Variants in SKOR2 observed in about 807,000 individuals in gnomAD.
SKOR2 encodes the protein SKI family transcriptional corepressor 2, also known as LBX1 corepressor 1-like protein.
In SKOR2, 47 loss-of-function variants were observed where a neutral mutation model predicts 69.1. That is an observed-to-expected ratio of 0.68 (90% CI 0.54 to 0.87). SKOR2 has a LOEUF of 0.87. Ranked by LOEUF, SKOR2 falls within the 40% of genes least tolerant of loss-of-function variation. The pLI, the probability that SKOR2 is intolerant of heterozygous loss-of-function variation, is 0.00. For synonymous variants in SKOR2, 717 were observed against 672.6 expected, an observed-to-expected ratio of 1.07 and a Z score of -1.02; for missense variants, 1,404 against 1,472.2, an observed-to-expected ratio of 0.95 and a Z score of 0.76.
chr18:47,212,208 G>T, intron 7 of SKOR2, 57 bp from the exon 8 acceptor site: 1 of 1,221,378 alleles, frequency 8.2e-7, no homozygotes, highest in Middle Eastern at 3.1e-4. Flanking sequence ...AGACAGATAT[G>T]TAATGGAGAC....
chr18:47,217,915 T>C (rs1240102714), intron 7 of SKOR2, among the ~76,000 whole-genome samples: 1 of 152,174 alleles, frequency 6.6e-6, no homozygotes, highest in Admixed American at 6.5e-5. Context: ...GTTTACTATC[T>C]ATAGGAATGT....
chr18:47,233,471 G>A (rs774531938), intron 4 of SKOR2, among the ~76,000 whole-genome samples: 4 of 152,226 alleles, frequency 2.6e-5, no homozygotes, highest in Non-Finnish European at 4.4e-5. Flanking sequence ...TGCATATTAT[G>A]TGCAGTCTCA....
At chr18:47,207,136 G>C (rs2064115505) in intron 8 of SKOR2, among the ~76,000 whole-genome samples, 1 of 152,014 alleles carries the variant, frequency 6.6e-6, no homozygotes, top group Non-Finnish European at 1.5e-5. Context: ...TTTGTTGTAG[G>C]GCAAAGACAA....
At chr18:47,222,510 A>G (rs2064164807) in intron 6 of SKOR2, among the ~76,000 whole-genome samples, 2 of 152,174 alleles carry the variant, frequency 1.3e-5, no homozygotes, top group Admixed American at 6.5e-5. Context: ...AGGTGGGTCT[A>G]AGGGTACAGG....
intron 8 of SKOR2, among the ~76,000 whole-genome samples, chr18:47,211,001 C>T (rs913286074): frequency 1.2e-4 from 18 of 151,936 alleles, no homozygotes; most frequent in African/African-American, 3.9e-4. Context: ...GTTTTAAGCA[C>T]CTGATGAAAT....
chr18:47,244,824 T>G, intron 4 of SKOR2, 84 bp downstream of exon 4: 2 of 1,290,154 alleles, frequency 1.6e-6, no homozygotes, highest in African/African-American at 3.0e-5. Context: ...ACCCTTGTAC[T>G]AAATATTCAG....
chr18:47,238,426 G>A (rs1028930787), intron 4 of SKOR2, among the ~76,000 whole-genome samples: 4 of 148,316 alleles, frequency 2.7e-5, no homozygotes, highest in Non-Finnish European at 4.4e-5. Flanking sequence ...GGATTCAAGC[G>A]ATTCTCCTGC....
rs904733608 is a variant in SKOR2, at chr18:47,212,216, G to A, written c.2986-65C>T. On this transcript the variant is annotated intron_variant, in intron 7 of 8. Coordinates refer to ENST00000425639, the MANE Select transcript of SKOR2 (RefSeq NM_001278063.4). The stretch of plus-strand genomic sequence containing the variant: ...GATTTGGAGACAGATATGTAATGGA[G>A]ACCCTTCATCATGCCTAACAATTTG... 3 of 1,214,366 alleles carry A rather than the reference G, an allele frequency of 2.5e-6. No homozygotes were observed. The African/African-American group carries it at 4.7e-5, about 19-fold the overall frequency. The allele number at this position is 1,214,366 out of a possible 1,614,324, so 75.2% of individuals were successfully genotyped here. A position where few individuals can be genotyped will look rare whatever the true frequency, so the allele number is the denominator to read the frequency against.
Position 47,230,479 on chromosome 18 carries a change from T to C in SKOR2, c.2897A>G (p.Asn966Ser). 1 of 1,448,578 alleles carries C rather than the reference T, an allele frequency of 6.9e-7. No individual in the cohort carries two copies. Among genetic ancestry groups the C allele is most frequent in the South Asian group, 1.5e-5 (1 of 66,716 alleles). The allele number at this position is 1,448,578 out of a possible 1,614,324, so 89.7% of individuals were successfully genotyped here. The change falls in exon 6 of 9, where the codon AAC (asparagine) becomes AGC (serine). Residue 966 changes from asparagine (N) to serine (S), a missense_variant. Coordinates refer to ENST00000425639, the MANE Select transcript of SKOR2 (RefSeq NM_001278063.4). ...CTTACTGAATACTGGGAAAGATGTG[T>C]TTCCTTTTAACACCTGGAATTCTTG... ...LEQEFQVLKGNTSFPVFNNFQ... is the reference protein window; with the variant it reads ...LEQEFQVLKGSTSFPVFNNFQ...
chr18:47,219,413 A>G (rs1010661780), intron 7 of SKOR2, among the ~76,000 whole-genome samples: 7 of 151,872 alleles, frequency 4.6e-5, no homozygotes, highest in Non-Finnish European at 1.0e-4. Flanking sequence ...TTTTTTCCAT[A>G]TAAATAGATC....
chr18:47,250,995 C>G (rs1388710209), intron 1 of SKOR2, among the ~76,000 whole-genome samples: 1 of 152,070 alleles, frequency 6.6e-6, no homozygotes, highest in East Asian at 1.9e-4. Flanking sequence ...GAAGCTGGCT[C>G]TGCGTTAAGG....
At chr18:47,207,249 G>A (rs1600020114) in intron 8 of SKOR2, among the ~76,000 whole-genome samples, 1 of 152,154 alleles carries the variant, frequency 6.6e-6, no homozygotes, top group Non-Finnish European at 1.5e-5. Flanking sequence ...GTTCTGTGGT[G>A]TCAGGGCAAC....
At chr18:47,213,706 C>T (rs951036190) in intron 7 of SKOR2, among the ~76,000 whole-genome samples, 7 of 152,036 alleles carry the variant, frequency 4.6e-5, no homozygotes, top group Non-Finnish European at 8.8e-5. Flanking sequence ...GATAGCATCA[C>T]TGAAATTAAT....
chr18:47,241,938 C>G (rs991706853), intron 4 of SKOR2, among the ~76,000 whole-genome samples: 5 of 152,116 alleles, frequency 3.3e-5, no homozygotes, highest in African/African-American at 1.2e-4. Context: ...TCAATAGTAT[C>G]ACTACGTGTT....
chr18:47,248,475 C>G lies in SKOR2; in HGVS notation c.709G>C (p.Gly237Arg). Residue 237 changes from glycine (G) to arginine (R), a missense_variant, in exon 2 of 9, where the codon GGC (glycine) becomes CGC (arginine). Physicochemically the swap from Gly to Arg is moderately radical, Grantham distance 125. Coordinates refer to ENST00000425639, the MANE Select transcript of SKOR2 (RefSeq NM_001278063.4). The surrounding 1 kb of genome is among the most constrained non-coding windows in gnomAD (Gnocchi z 6.4). ...GGCAGTGCGCGCTTGCGGCTGCCGC[C>G]GTTGAACATGGCCTTGACGTCCTCC... ...AWEDVKAMFN[G>R]GSRKRALPQP... 1 of 1,535,992 alleles carries G rather than the reference C, an allele frequency of 6.5e-7. No homozygotes were observed. Among genetic ancestry groups the G allele is most frequent in the Non-Finnish European group, 8.7e-7 (1 of 1,146,720 alleles).
At chr18:47,230,667 A>C (rs72913174) in intron 5 of SKOR2, 110 bp from the exon 6 acceptor site, 11,879 of 747,068 alleles carry the variant, frequency 0.016, 133 homozygotes, top group Non-Finnish European at 0.02. Flanking sequence ...CCAGTTTAAA[A>C]AGTGTTGCAT....
chr18:47,207,048 G>A (rs1359746205), intron 8 of SKOR2, among the ~76,000 whole-genome samples, 156 bp from the exon 9 acceptor site: 2 of 152,170 alleles, frequency 1.3e-5, no homozygotes, highest in Non-Finnish European at 2.9e-5. Flanking sequence ...AGCCAAACCA[G>A]AAATACTAAA....
chr18:47,209,576 A>G (rs1018178356), intron 8 of SKOR2, among the ~76,000 whole-genome samples: 1 of 152,200 alleles, frequency 6.6e-6, no homozygotes. Context: ...GTCTGCAAGG[A>G]TGGAAACAAA....
At chr18:47,215,127 T>C (rs918760432) in intron 7 of SKOR2, among the ~76,000 whole-genome samples, 5 of 152,150 alleles carry the variant, frequency 3.3e-5, no homozygotes, top group Non-Finnish European at 7.4e-5. Flanking sequence ...CTGATTGCAC[T>C]GTCAAGGTGC....
Sources: gnomAD v4.1 joint callset for allele counts (sites outside exome capture counted in the v4.1 genomes callset) on GRCh38, gnomAD v4.1.1 for gene constraint, Gnocchi (gnomAD v3.1) non-coding constraint, MANE v1.5 for transcripts, NCBI Gene and HGNC (gene_info 2026-07-23, HGNC 2026-07-21) for gene names.